GALNTL6: variants seen among roughly 807,000 people sequenced by gnomAD.
GALNTL6 encodes the protein polypeptide N-acetylgalactosaminyltransferase-like 6.
Under a neutral mutation model 73.7 loss-of-function variants are expected in GALNTL6, and 46 were observed. That is an observed-to-expected ratio of 0.62 (90% CI 0.49 to 0.80). The LOEUF is 0.80. GALNTL6 is among the 30% of genes least tolerant of loss of function. The probability of loss-of-function intolerance (pLI) is 0.00; values close to 1 mark genes in which losing one functional copy is unlikely to be tolerated. For synonymous variants in GALNTL6, 259 were observed against 263.7 expected, an observed-to-expected ratio of 0.98 and a Z score of 0.17; for missense variants, 604 against 755.0, an observed-to-expected ratio of 0.80 and a Z score of 2.34.
chr4:172,881,506 A>T (rs1410998059), intron 7 of GALNTL6, among the ~76,000 whole-genome samples: 1 of 152,176 alleles, frequency 6.6e-6, no homozygotes, highest in Non-Finnish European at 1.5e-5. Context: ...CCATCTTAGC[A>T]TGCAAACTCT....
intron 2 of GALNTL6, among the ~76,000 whole-genome samples, chr4:171,970,023 G>C (rs978230114): frequency 6.6e-6 from 1 of 151,922 alleles, no homozygotes; most frequent in Non-Finnish European, 1.5e-5. Context: ...CACCCTCCTT[G>C]GCCTCCCAAA....
chr4:172,740,794 A>G (rs1560919125), intron 5 of GALNTL6, among the ~76,000 whole-genome samples: 1 of 152,116 alleles, frequency 6.6e-6, no homozygotes, highest in Non-Finnish European at 1.5e-5. Context: ...TGTAGGTGTA[A>G]GACTGTGATG....
chr4:172,629,023 CT>C (rs1207986869), intron 5 of GALNTL6, among the ~76,000 whole-genome samples: 25 of 152,278 alleles, frequency 1.6e-4, no homozygotes, highest in African/African-American at 5.8e-4. Context: ...GAGTCACAGC[CT>C]TCTTGATTTA....
Position 172,082,261 on chromosome 4 carries a change from A to T in GALNTL6, c.139-147395A>T, listed in dbSNP as rs551502003. Reference sequence around the variant, plus strand: ...AAAGGAAAGTAACTTGGAGAAATTTAAAAACAAAAATACCAAATTCTGTTG... The same window carrying T: ...AAAGGAAAGTAACTTGGAGAAATTTTAAAACAAAAATACCAAATTCTGTTG... On this transcript the variant is annotated intron_variant, in intron 2 of 12. Coordinates refer to ENST00000506823, the MANE Select transcript of GALNTL6 (RefSeq NM_001034845.3). Among the ~76,000 whole-genome samples the T allele has an allele frequency of 3.9e-5, 6 of 152,366 alleles. No individual in the cohort carries two copies. The East Asian group carries it at 1.2e-3, about 29-fold the overall frequency.
At chr4:172,552,996 T>G (rs2110905560) in intron 5 of GALNTL6, among the ~76,000 whole-genome samples, 1 of 152,254 alleles carries the variant, frequency 6.6e-6, no homozygotes, top group South Asian at 2.1e-4. Context: ...ATAGTGTATT[T>G]TATATACCCA....
chr4:171,898,128 C>T (rs1458346810), intron 2 of GALNTL6, among the ~76,000 whole-genome samples: 2 of 152,112 alleles, frequency 1.3e-5, no homozygotes, highest in East Asian at 3.9e-4. Flanking sequence ...AGAAAAGCTG[C>T]TTACCATCAC....
intron 2 of GALNTL6, among the ~76,000 whole-genome samples, chr4:171,830,027 A>G (rs747218365): frequency 1.3e-5 from 2 of 152,044 alleles, no homozygotes; most frequent in Non-Finnish European, 2.9e-5. Context: ...GAATATGTAG[A>G]TGAGATATGA....
chr4:172,193,314 A>C (rs974816025), intron 2 of GALNTL6, among the ~76,000 whole-genome samples: 8 of 152,166 alleles, frequency 5.3e-5, no homozygotes, highest in Non-Finnish European at 1.2e-4. Flanking sequence ...CTCCCAGAAG[A>C]AGTAGCAGGC....
At chr4:172,077,532 T>A (rs57947698) in intron 2 of GALNTL6, among the ~76,000 whole-genome samples, 4,465 of 152,224 alleles carry the variant, frequency 0.029, 135 homozygotes, top group African/African-American at 0.072. Flanking sequence ...ATTTAGGGTA[T>A]TTAACAGAAG....
At chr4:171,893,756 T>C (rs913252195) in intron 2 of GALNTL6, among the ~76,000 whole-genome samples, 2 of 152,192 alleles carry the variant, frequency 1.3e-5, no homozygotes, top group Non-Finnish European at 1.5e-5. Flanking sequence ...GTCTACTTAC[T>C]AGTTCTCTGA....
At chr4:172,098,594 G>A (rs1491621) in intron 2 of GALNTL6, among the ~76,000 whole-genome samples, 1 of 152,082 alleles carries the variant, frequency 6.6e-6, no homozygotes, top group Non-Finnish European at 1.5e-5. Context: ...GGAGAATGGC[G>A]TGGTTGTATT....
At chr4:172,579,076 T>A (rs2110968084) in intron 5 of GALNTL6, among the ~76,000 whole-genome samples, 1 of 152,304 alleles carries the variant, frequency 6.6e-6, no homozygotes, top group Non-Finnish European at 1.5e-5. Context: ...CCCAGAGACA[T>A]TGATTAGGAA....
intron 7 of GALNTL6, among the ~76,000 whole-genome samples, chr4:172,830,770 G>A (rs1742581631): frequency 1.3e-5 from 2 of 152,298 alleles, no homozygotes; most frequent in South Asian, 2.1e-4. Context: ...AAGATGTGGG[G>A]ACCAGAGAAA....
chr4:172,453,046 A>C (rs1244357915), intron 5 of GALNTL6, among the ~76,000 whole-genome samples: 2 of 152,192 alleles, frequency 1.3e-5, no homozygotes, highest in African/African-American at 4.8e-5. Context: ...TACTAAAAAT[A>C]CAAAACTACC....
At chr4:172,018,652 T>G (rs376119383) in intron 2 of GALNTL6, among the ~76,000 whole-genome samples, 2 of 152,064 alleles carry the variant, frequency 1.3e-5, no homozygotes, top group Admixed American at 6.6e-5. Flanking sequence ...AGAAAGCAAG[T>G]GGGGCTTTTA....
intron 2 of GALNTL6, among the ~76,000 whole-genome samples, chr4:171,928,369 A>C (rs982826741): frequency 3.9e-5 from 6 of 152,186 alleles, no homozygotes; most frequent in Admixed American, 1.3e-4. Context: ...AGTCCCTTGG[A>C]TGCAGTGGAG....
chr4:171,886,399 A>G (rs1736609063), intron 2 of GALNTL6, among the ~76,000 whole-genome samples: 1 of 152,214 alleles, frequency 6.6e-6, no homozygotes, highest in South Asian at 2.1e-4. Context: ...AAAACTTACT[A>G]CAGACAAAAG....
At chr4:172,349,172 A>G (rs1741855839) in intron 5 of GALNTL6, among the ~76,000 whole-genome samples, 1 of 152,180 alleles carries the variant, frequency 6.6e-6, no homozygotes, top group Non-Finnish European at 1.5e-5. Context: ...TGGTAATTCT[A>G]GCTATTTTAT....
chr4:172,642,257 T>C (rs1740021702), intron 5 of GALNTL6, among the ~76,000 whole-genome samples: 2 of 152,044 alleles, frequency 1.3e-5, no homozygotes, highest in Admixed American at 1.3e-4. Flanking sequence ...AATTCATGTG[T>C]CAAAGAGATA....
Sources: allele counts gnomAD v4.1 joint callset (sites outside exome capture counted in the v4.1 genomes callset), GRCh38; gene constraint gnomAD v4.1.1; transcripts MANE v1.5; gene names NCBI Gene and HGNC (gene_info 2026-07-23, HGNC 2026-07-21).